Variants in GRHL2 observed in about 807,000 individuals in gnomAD.
The protein encoded by GRHL2 is grainyhead-like protein 2 homolog.
GRHL2 carries 21 observed loss-of-function variants against 83.8 expected under a neutral mutation model. That is an observed-to-expected ratio of 0.25 (90% CI 0.18 to 0.36). The LOEUF is 0.36. Ranked by LOEUF, GRHL2 falls within the 10% of genes least tolerant of loss-of-function variation. The pLI, the probability that GRHL2 is intolerant of heterozygous loss-of-function variation, is 1.00. For missense variants in GRHL2, 623 were observed against 781.8 expected (o/e 0.80, Z 2.42); for synonymous variants, 280 against 278.9 (o/e 1.00, Z -0.04).
intron 13 of GRHL2, among the ~76,000 whole-genome samples, chr8:101,648,088 C>T (rs1813549345): frequency 6.6e-6 from 1 of 152,068 alleles, no homozygotes; most frequent in Non-Finnish European, 1.5e-5. Flanking sequence ...AATCAGAGGC[C>T]ACATCACTGG....
chr8:101,521,183 A>G (rs1433586401), intron 1 of GRHL2, among the ~76,000 whole-genome samples: 1 of 152,172 alleles, frequency 6.6e-6, no homozygotes, highest in Non-Finnish European at 1.5e-5. Context: ...AGAAGCTTCC[A>G]GGGCTGCTGT....
Position 101,502,548 on chromosome 8 carries a change from T to C in GRHL2, c.20+9759T>C, listed in dbSNP as rs563729427. ...CAGCCTTGCTGGGATGGTAGAAAAG[T>C]GGTACAAGAAAATCAGATAAAATGG... On this transcript the variant is annotated intron_variant, in intron 1 of 15. Coordinates refer to ENST00000646743, the MANE Select transcript of GRHL2 (RefSeq NM_024915.4). Among the ~76,000 whole-genome samples, 39 of 152,258 alleles carry C rather than the reference T, an allele frequency of 2.6e-4. No homozygotes were observed. The East Asian group carries it at 6.7e-3, about 26-fold the overall frequency.
rs1812923062 is a variant in GRHL2 at position 101,619,623 on chromosome 8, A to G, written c.1183A>G (p.Thr395Ala). The part of the protein sequence containing the change: ...KGLPLMIQID[T>A]YSYNNRSNKP... ...ACTTCCTTTGATGATTCAGATTGACACATACAGTTATAACAATCGTAGCAA... is the reference window on the plus strand; with the variant it reads ...ACTTCCTTTGATGATTCAGATTGACGCATACAGTTATAACAATCGTAGCAA... Residue 395 changes from threonine (T) to alanine (A), a missense_variant, in exon 9 of 16, where the codon ACA becomes GCA. Thr to Ala is a moderately conservative substitution (Grantham distance 58). Around this residue, in one of 8 missense-constraint regions of GRHL2, gnomAD observed 24 missense variants for 25.5 expected, o/e 0.94. Transcript: ENST00000646743. 6.2e-7 allele frequency: 1 copy of G among 1,612,838 alleles called. No homozygotes were observed. The highest frequency in any genetic ancestry group is 8.5e-7 in the Non-Finnish European group (1 of 1,179,002).
rs200563684 is a variant in GRHL2, at chr8:101,631,715, T to G, written c.1336T>G (p.Cys446Gly). ...GAAAGGCCAGGCCTCCCAAACTCAA[T>G]GCAACAGCTGTGAGTTTCACTGAGA... ...KGKGQASQTQCNSSSDGKLAA... is the reference protein window; with the variant it reads ...KGKGQASQTQGNSSSDGKLAA... Residue 446 changes from cysteine to glycine, a missense_variant, in exon 10 of 16, where the codon TGC becomes GGC. Physicochemically the swap from Cys to Gly is radical, Grantham distance 159. This residue lies in a region of GRHL2 where 210 missense variants were observed against 254.8 expected (regional missense o/e 0.82). Transcript: ENST00000646743. The G allele has an allele frequency of 1.2e-6, 2 of 1,612,312 alleles. No individual in the cohort carries two copies.
chr8:101,529,231 G>C (rs1255078161), intron 1 of GRHL2: 2 of 231,334 alleles, frequency 8.6e-6, no homozygotes, highest in East Asian at 3.1e-4. Flanking sequence ...TCAGGAGTTC[G>C]AGACCAGCCT....
intron 15 of GRHL2, 133 bp downstream of exon 15, chr8:101,664,651 G>C (rs1814005934): frequency 1.4e-6 from 1 of 693,644 alleles, no homozygotes; most frequent in African/African-American, 1.8e-5. Flanking sequence ...TTCTTCCAGA[G>C]AATTGCAGAG....
At chr8:101,545,640 A>G (rs1342708096) in intron 2 of GRHL2, among the ~76,000 whole-genome samples, 1 of 151,946 alleles carries the variant, frequency 6.6e-6, no homozygotes, top group Non-Finnish European at 1.5e-5. Context: ...TATTGAGGAT[A>G]GTTGGGAAGC....
At chr8:101,652,624 G>T (rs1297522462) in intron 14 of GRHL2, among the ~76,000 whole-genome samples, 1 of 142,064 alleles carries the variant, frequency 7.0e-6, no homozygotes, top group Non-Finnish European at 1.5e-5. Context: ...GTGTGTGTGT[G>T]TGTGTACTAT....
chr8:101,596,703 A>C (rs1405822460), intron 7 of GRHL2, among the ~76,000 whole-genome samples: 4 of 152,226 alleles, frequency 2.6e-5, no homozygotes, highest in Non-Finnish European at 5.9e-5. Flanking sequence ...ATTTTTGAGA[A>C]AGGTAGGCAG....
downstream of GRHL2, among the ~76,000 whole-genome samples, chr8:101,669,943 C>G (rs1018439839): frequency 1.3e-5 from 2 of 152,200 alleles, no homozygotes; most frequent in African/African-American, 4.8e-5. Context: ...TTGTGTGTGA[C>G]CACGGCAGGC....
intron 8 of GRHL2, among the ~76,000 whole-genome samples, chr8:101,615,149 AG>A (rs1311267427): frequency 1.3e-5 from 2 of 152,186 alleles, no homozygotes; most frequent in African/African-American, 4.8e-5. Context: ...TGACCTTTAA[AG>A]ACCATCTCTA....
chr8:101,531,250 G>C (rs1279577339), intron 1 of GRHL2, among the ~76,000 whole-genome samples: 2 of 150,106 alleles, frequency 1.3e-5, no homozygotes, highest in African/African-American at 4.9e-5. Flanking sequence ...AGAGAACTCA[G>C]GCACTTGGAT....
chr8:101,535,685 C>T (rs1356964617), intron 1 of GRHL2, among the ~76,000 whole-genome samples: 7 of 151,958 alleles, frequency 4.6e-5, no homozygotes, highest in East Asian at 1.9e-4. Context: ...ATTACAGGCG[C>T]GCACCACCAC....
At chr8:101,522,003 T>G (rs1050589058) in intron 1 of GRHL2, among the ~76,000 whole-genome samples, 1 of 152,134 alleles carries the variant, frequency 6.6e-6, no homozygotes, top group Non-Finnish European at 1.5e-5. Flanking sequence ...GGCAGGGGTG[T>G]GAATGGAGGA....
At chr8:101,615,594 A>C (rs545625552) in intron 8 of GRHL2, among the ~76,000 whole-genome samples, 1 of 152,250 alleles carries the variant, frequency 6.6e-6, no homozygotes, top group East Asian at 1.9e-4. Flanking sequence ...GAACAACTGC[A>C]TAGCTCACCA....
intron 14 of GRHL2, among the ~76,000 whole-genome samples, chr8:101,658,416 C>T (rs186022219): frequency 1.8e-3 from 270 of 152,328 alleles, no homozygotes; most frequent in Middle Eastern, 0.017. Context: ...AGCCTCAGTT[C>T]TCTAATCTGA....
At chr8:101,553,750 C>T (rs1026756659) in intron 3 of GRHL2, among the ~76,000 whole-genome samples, 1 of 151,356 alleles carries the variant, frequency 6.6e-6, no homozygotes, top group Admixed American at 6.6e-5. Context: ...GCCTCAGCAT[C>T]CTGAGTAGCT....
Position 101,666,952 on chromosome 8 carries a change from T to G in GRHL2, c.*249T>G. ...GCCTTAGGCCTGTTGGATTCCTATT[T>G]ATTGCCCACCTTTTCCTGGAGCCCA... On this transcript the variant is annotated 3_prime_UTR_variant, in exon 16 of 16. Coordinates refer to ENST00000646743, the MANE Select transcript of GRHL2 (RefSeq NM_024915.4). The G allele has an allele frequency of 1.7e-6, 1 of 578,630 alleles. No individual in the cohort carries two copies. Among genetic ancestry groups the G allele is most frequent in the South Asian group, 2.0e-5 (1 of 50,174 alleles). 35.8% of individuals were successfully genotyped at this position (578,630 alleles called of 1,614,324 possible).
chr8:101,544,879 T>C (rs1811228820), intron 2 of GRHL2, among the ~76,000 whole-genome samples: 1 of 152,144 alleles, frequency 6.6e-6, no homozygotes, highest in Non-Finnish European at 1.5e-5. Context: ...CTCCTGTCTC[T>C]CCCCTAGAAC....
Sources: gnomAD v4.1 joint callset for allele counts (sites outside exome capture counted in the v4.1 genomes callset) on GRCh38, gnomAD v4.1.1 for gene constraint, gnomAD v4.1.1 regional missense constraint, MANE v1.5 for transcripts, NCBI Gene and HGNC (gene_info 2026-07-23, HGNC 2026-07-21) for gene names.